The following ABCB9 variants were observed in gnomAD, a reference collection of about 807,000 sequenced individuals.
ABCB9 encodes the protein ATP binding cassette subfamily B member 9.
Under a neutral mutation model 62.0 loss-of-function variants are expected in ABCB9, and 36 were observed. The observed-to-expected ratio is 0.58, with a 90% CI of 0.45 to 0.77. The LOEUF is 0.77. Among genes scored for constraint, ABCB9 ranks in the 30% least tolerant of loss-of-function variants. The probability of loss-of-function intolerance (pLI) is 0.00; values close to 1 mark genes in which losing one functional copy is unlikely to be tolerated. For missense variants in ABCB9, 943 were observed against 1,054.7 expected, an observed-to-expected ratio of 0.89 and a Z score of 1.47; for synonymous variants, 435 against 461.4, an observed-to-expected ratio of 0.94 and a Z score of 0.73.
At chr12:122,956,107 C>T (rs1227693330) in intron 2 of ABCB9, among the ~76,000 whole-genome samples, 2 of 152,132 alleles carry the variant, frequency 1.3e-5, no homozygotes, top group Non-Finnish European at 2.9e-5. Flanking sequence ...AAGGAGGGGA[C>T]TTTTGGGCCG....
intron 2 of ABCB9, among the ~76,000 whole-genome samples, chr12:122,954,028 A>G (rs2036497695): frequency 6.6e-6 from 1 of 152,156 alleles, no homozygotes; most frequent in African/African-American, 2.4e-5. Flanking sequence ...CTTAGGCTAC[A>G]GAAGGTAGCT....
intron 7 of ABCB9, among the ~76,000 whole-genome samples, chr12:122,942,871 G>A (rs1263667000): frequency 6.6e-6 from 1 of 152,176 alleles, no homozygotes; most frequent in Non-Finnish European, 1.5e-5. Flanking sequence ...GCCCACTGCT[G>A]TGAGTACTCT....
At chr12:122,954,721 G>A (rs1393619666) in intron 2 of ABCB9, among the ~76,000 whole-genome samples, 1 of 152,188 alleles carries the variant, frequency 6.6e-6, no homozygotes, top group Non-Finnish European at 1.5e-5. Flanking sequence ...TTGAACTCCT[G>A]ACCTCAAGTG....
chr12:122,940,123 G>C lies in ABCB9; in HGVS notation c.1731C>G (p.Tyr577Ter), dbSNP rs1222466226. The C allele has an allele frequency of 6.2e-7, 1 of 1,611,484 alleles. No homozygotes were observed. The highest frequency in any genetic ancestry group is 1.7e-5 in the Admixed American group (1 of 59,478). Residue 577 changes from tyrosine to a stop codon, truncating the protein, a stop_gained, in exon 9 of 12, where the codon TAC becomes TAG. Transcript: ENST00000280560. LOFTEE classifies it high-confidence loss of function. This position sits in a 1 kb window ranked among gnomAD's most constrained non-coding sequence, Gnocchi z 4.8. ...CCCGTGCACATACCACACGGTGCAA[G>C]TACTTGTGGTCGTAGGCGCTGATGG... ...GKPISAYDHK[Y>*]LHRVISLVSQ...
downstream of ABCB9, chr12:122,924,636 G>T (rs1164633250): frequency 1.4e-6 from 2 of 1,461,118 alleles, no homozygotes; most frequent in Non-Finnish European, 1.8e-6. Context: ...ATGTGGGAAA[G>T]AAACAATGAC....
intron 1 of ABCB9, among the ~76,000 whole-genome samples, chr12:122,963,489 TAC>T (rs1413026560): frequency 6.6e-6 from 1 of 152,100 alleles, no homozygotes; most frequent in Non-Finnish European, 1.5e-5. Context: ...ATCCCCATTT[TAC>T]AGTTAGGAAA....
chr12:122,968,411 A>G (rs2037233441), upstream of ABCB9, among the ~76,000 whole-genome samples: 1 of 152,226 alleles, frequency 6.6e-6, no homozygotes, highest in Non-Finnish European at 1.5e-5. Context: ...AGCCCCTGGC[A>G]TGTGATAAAC....
chr12:122,956,613 C>T (rs1483733684), intron 2 of ABCB9, among the ~76,000 whole-genome samples: 5 of 152,298 alleles, frequency 3.3e-5, no homozygotes, highest in South Asian at 4.1e-4. Flanking sequence ...CTCTGCCTCC[C>T]AGGTTCAAGC....
intron 9 of ABCB9, among the ~76,000 whole-genome samples, chr12:122,938,589 G>A (rs1327285158): frequency 6.6e-6 from 1 of 151,850 alleles, no homozygotes; most frequent in Non-Finnish European, 1.5e-5. Flanking sequence ...AGCACTTTGG[G>A]AGGCCGAGGC....
chr12:122,924,956 A>T, downstream of ABCB9: 2 of 839,568 alleles, frequency 2.4e-6, no homozygotes, highest in Non-Finnish European at 3.8e-6. Context: ...TCACTCTGTC[A>T]CCCAGGCTGG....
chr12:122,922,585 G>A (rs1233934516), intron 11 of ABCB9, among the ~76,000 whole-genome samples: 1 of 152,138 alleles, frequency 6.6e-6, no homozygotes, highest in Non-Finnish European at 1.5e-5. Flanking sequence ...TGCCATGCTG[G>A]CCAAGATGGT....
At chr12:122,924,937 G>T, downstream of ABCB9, 1 of 1,030,144 alleles carries the variant, frequency 9.7e-7, no homozygotes, top group Non-Finnish European at 1.4e-6. Context: ...TTGTTTTTGA[G>T]ACAGAGTCTC....
chr12:122,968,235 T>G (rs938630993), upstream of ABCB9, among the ~76,000 whole-genome samples: 1 of 152,370 alleles, frequency 6.6e-6, no homozygotes, highest in East Asian at 1.9e-4. Flanking sequence ...TTGGATGGAC[T>G]GTCCAAAAAG....
rs527719961 is a variant in ABCB9, at chr12:122,960,425, C to T, written c.-87-103G>A. On this transcript the variant is annotated intron_variant, in intron 1 of 11. Transcript: ENST00000280560. ...CTTGACATCTCTGAGCCTTAGTTTTCTCATCTGTAAAATGGCAATATCAAC... is the reference window on the plus strand; with the variant it reads ...CTTGACATCTCTGAGCCTTAGTTTTTTCATCTGTAAAATGGCAATATCAAC... 97 of 756,860 alleles carry T rather than the reference C, an allele frequency of 1.3e-4. No individual in the cohort carries two copies. The Admixed American group carries it at 2.9e-3, about 23-fold the overall frequency. 46.9% of individuals were successfully genotyped at this position (756,860 alleles called of 1,614,324 possible).
rs576346756 is a variant in ABCB9, at chr12:122,955,698, T to C, written c.601+3937A>G. On this transcript the variant is annotated intron_variant, in intron 2 of 11. Coordinates refer to ENST00000280560, the MANE Select transcript of ABCB9 (RefSeq NM_019625.4). ...TGCCCAGCATAAATGCATAGTTTTT[T>C]GGGTTTTTGTTTTTTTGTTTTTTTT... Among the ~76,000 whole-genome samples, 6 of 152,066 alleles carry C rather than the reference T, an allele frequency of 3.9e-5. No homozygotes were observed. In the East Asian group the frequency reaches 1.2e-3, roughly 29 times the overall value.
In ABCB9 at chr12:122,935,445, A is replaced by C. The variant is rs777478165; in HGVS notation, c.1744-14T>G. 2.9e-5 allele frequency: 46 copies of C among 1,610,306 alleles called. No homozygotes were observed. Among genetic ancestry groups the C allele is most frequent in the Non-Finnish European group, 3.7e-5 (44 of 1,178,208 alleles). ...CACCAGGGAGATCTGGGGAGGAGGG[A>C]GCATGGAGCATGAGAGGCCAGGAAT... is the stretch of plus-strand genomic sequence containing the variant. On this transcript the variant is annotated splice_polypyrimidine_tract_variant and intron_variant, in intron 9 of 11. Transcript: ENST00000280560.
At chr12:122,958,848 G>A (rs923866385) in intron 2 of ABCB9, among the ~76,000 whole-genome samples, 2 of 151,228 alleles carry the variant, frequency 1.3e-5, no homozygotes, top group Non-Finnish European at 3.0e-5. Flanking sequence ...TCTAAAAAAA[G>A]AAAAAAACAG....
chr12:122,949,975 C>A, intron 3 of ABCB9, 57 bp from the exon 4 acceptor site: 1 of 1,605,466 alleles, frequency 6.2e-7, no homozygotes, highest in South Asian at 1.1e-5. Flanking sequence ...GTGACCACAC[C>A]CGGCTGCCCC....
At chr12:122,931,880 G>C in intron 11 of ABCB9, 1 of 401,998 alleles carries the variant, frequency 2.5e-6, no homozygotes, top group Non-Finnish European at 4.6e-6. Context: ...CTGACCTCAG[G>C]TGATCCACCT....
Sources: allele counts gnomAD v4.1 joint callset (sites outside exome capture counted in the v4.1 genomes callset), GRCh38; gene constraint gnomAD v4.1.1; non-coding constraint Gnocchi (gnomAD v3.1); transcripts MANE v1.5; gene names NCBI Gene and HGNC (gene_info 2026-07-23, HGNC 2026-07-21).